GLIS3: variants seen among roughly 807,000 people sequenced by gnomAD.
The protein encoded by GLIS3 is zinc finger protein GLIS3.
A neutral mutation model predicts 78.6 loss-of-function variants in GLIS3; 53 were observed. The ratio of observed to expected loss-of-function variants is 0.67; its 90% CI spans 0.54 to 0.85. The LOEUF (loss-of-function observed/expected upper bound fraction) is 0.85, where lower values mean the gene tolerates loss of function less well. Ranked by LOEUF, GLIS3 falls within the 40% of genes least tolerant of loss-of-function variation. The probability of loss-of-function intolerance (pLI) is 0.00; values close to 1 mark genes in which losing one functional copy is unlikely to be tolerated. For synonymous variants in GLIS3, 684 were observed against 509.9 expected, an observed-to-expected ratio of 1.34 and a Z score of -4.60; for missense variants, 1,703 against 1,231.1, an observed-to-expected ratio of 1.38 and a Z score of -5.74.
intron 2 of GLIS3, among the ~76,000 whole-genome samples, chr9:4,230,219 A>T (rs2131361839): frequency 6.6e-6 from 1 of 152,266 alleles, no homozygotes; most frequent in East Asian, 1.9e-4. Flanking sequence ...AAGCGTCATC[A>T]GCCTTAAAGG....
intron 4 of GLIS3, among the ~76,000 whole-genome samples, chr9:3,962,840 C>G (rs1190883571): frequency 6.6e-6 from 1 of 151,370 alleles, no homozygotes; most frequent in Admixed American, 6.6e-5. Flanking sequence ...AAGCTAAAAA[C>G]TTGGCAAATG....
the GLIS3 span, among the ~76,000 whole-genome samples, chr9:4,444,235 G>C: frequency 6.6e-6 from 1 of 152,190 alleles, no homozygotes; most frequent in Non-Finnish European, 1.5e-5. Flanking sequence ...TGCAAAATAA[G>C]ATACACCACT....
the GLIS3 span, among the ~76,000 whole-genome samples, chr9:4,365,735 C>A: frequency 6.6e-6 from 1 of 152,162 alleles, no homozygotes; most frequent in Non-Finnish European, 1.5e-5. Flanking sequence ...CTCCAACTCA[C>A]CCTACTCCAC....
At chr9:4,388,816 G>T in the GLIS3 span, among the ~76,000 whole-genome samples, 2 of 152,176 alleles carry the variant, frequency 1.3e-5, no homozygotes, top group South Asian at 2.1e-4. Context: ...AAAAGTATTT[G>T]AATTAATAAT....
chr9:3,834,547 A>G (rs576654729), intron 9 of GLIS3, among the ~76,000 whole-genome samples: 1 of 152,206 alleles, frequency 6.6e-6, no homozygotes, highest in Non-Finnish European at 1.5e-5. Flanking sequence ...CTCTAGGGCA[A>G]TCTGAATTCC....
chr9:4,266,004 C>T (rs1240611350), intron 2 of GLIS3, among the ~76,000 whole-genome samples: 4 of 151,770 alleles, frequency 2.6e-5, no homozygotes, highest in Non-Finnish European at 4.4e-5. Context: ...CTGCAAGCTC[C>T]GCCTCCCAGG....
At chr9:4,057,853 G>A (rs913336420) in intron 4 of GLIS3, among the ~76,000 whole-genome samples, 5 of 152,146 alleles carry the variant, frequency 3.3e-5, no homozygotes, top group African/African-American at 1.2e-4. Flanking sequence ...TCTTGATGAT[G>A]GGCTTATGCA....
intron 2 of GLIS3, among the ~76,000 whole-genome samples, chr9:4,220,749 T>C (rs546215292): frequency 2.0e-5 from 3 of 150,990 alleles, no homozygotes; most frequent in South Asian, 2.1e-4. Flanking sequence ...AAAAAAGCTA[T>C]CATCAAAATA....
At chr9:3,987,161 T>A (rs996950137) in intron 4 of GLIS3, among the ~76,000 whole-genome samples, 4 of 152,046 alleles carry the variant, frequency 2.6e-5, no homozygotes, top group African/African-American at 9.7e-5. Flanking sequence ...ATTATAATAA[T>A]AAAATAATAG....
the GLIS3 span, among the ~76,000 whole-genome samples, chr9:4,450,940 A>C: frequency 6.6e-6 from 1 of 152,232 alleles, no homozygotes; most frequent in African/African-American, 2.4e-5. Context: ...AACTGCATCA[A>C]CTAACGGGTA....
intron 2 of GLIS3, among the ~76,000 whole-genome samples, chr9:4,217,872 C>A (rs1181349818): frequency 6.6e-6 from 1 of 152,196 alleles, no homozygotes; most frequent in Non-Finnish European, 1.5e-5. Flanking sequence ...TTTAATAAAA[C>A]AACCAACAGA....
chr9:4,221,205 A>G (rs1563779411), intron 2 of GLIS3, among the ~76,000 whole-genome samples: 1 of 152,196 alleles, frequency 6.6e-6, no homozygotes, highest in African/African-American at 2.4e-5. Flanking sequence ...GTCATTTTTG[A>G]AGAGTAGAAA....
chr9:4,096,737 C>T (rs946672808), intron 4 of GLIS3, among the ~76,000 whole-genome samples: 1 of 152,170 alleles, frequency 6.6e-6, no homozygotes, highest in Admixed American at 6.5e-5. Flanking sequence ...GTTGGCCAGA[C>T]ATGGTGGCTC....
chr9:4,318,593 G>C (rs557803581), intron 2 of GLIS3, among the ~76,000 whole-genome samples: 1 of 152,042 alleles, frequency 6.6e-6, no homozygotes. Flanking sequence ...TAAAACATTG[G>C]CAGCAAAAAG....
chr9:4,254,839 CAAAAAAAAA>C (rs751442404), intron 2 of GLIS3, among the ~76,000 whole-genome samples: 1 of 70,036 alleles, frequency 1.4e-5, no homozygotes. Context: ...GACTACGTCT[CAAAAAAAAA>C]AAAAAAAGAA....
chr9:4,291,275 C>A (rs1014788034), intron 1 of GLIS3, among the ~76,000 whole-genome samples: 6 of 152,188 alleles, frequency 3.9e-5, no homozygotes, highest in Middle Eastern at 3.4e-3. Context: ...CAACTGAAGA[C>A]AAATTAGTGT....
intron 9 of GLIS3, among the ~76,000 whole-genome samples, chr9:3,832,444 C>T (rs2129973291): frequency 6.6e-6 from 1 of 152,232 alleles, no homozygotes; most frequent in Admixed American, 6.5e-5. Flanking sequence ...CTTTTGAAGA[C>T]CTGAGCTGTA....
At chr9:4,314,558 C>T (rs1817411568) in intron 2 of GLIS3, among the ~76,000 whole-genome samples, 1 of 152,238 alleles carries the variant, frequency 6.6e-6, no homozygotes, top group Non-Finnish European at 1.5e-5. Context: ...AAGGGATCTT[C>T]TGTCACTCAC....
At chr9:4,294,926 T>C (rs1816349511) in intron 1 of GLIS3, among the ~76,000 whole-genome samples, 1 of 152,238 alleles carries the variant, frequency 6.6e-6, no homozygotes, top group Non-Finnish European at 1.5e-5. Flanking sequence ...ATCTATAATT[T>C]ACTGCCTGAA....
Sources: gnomAD v4.1 joint callset for allele counts (sites outside exome capture counted in the v4.1 genomes callset) on GRCh38, gnomAD v4.1.1 for gene constraint, MANE v1.5 for transcripts, NCBI Gene and HGNC (gene_info 2026-07-23, HGNC 2026-07-21) for gene names.